Variants in FIGNL2 observed in about 807,000 individuals in gnomAD.
The protein encoded by FIGNL2 is fidgetin-like protein 2.
For synonymous variants in FIGNL2, 565 were observed against 484.0 expected (o/e 1.17, Z -2.20); for missense variants, 1,060 against 950.2 (o/e 1.12, Z -1.52).
At chr12:51,828,958 G>A (rs1205074854) in intron 1 of FIGNL2, among the ~76,000 whole-genome samples, 3 of 152,146 alleles carry the variant, frequency 2.0e-5, no homozygotes, top group Non-Finnish European at 2.9e-5. Flanking sequence ...TCCAACCCCC[G>A]AAGGAGACCC....
Position 51,819,316 on chromosome 12 carries a change from G to C in FIGNL2, c.*1136C>G, listed in dbSNP as rs1047203316. Reference sequence around the variant, plus strand: ...AGCGGAGGGGTTGGGTGGGGCAGGGGGTGGGGAGCAGCAGGAGAGGAATAA... The same window carrying C: ...AGCGGAGGGGTTGGGTGGGGCAGGGCGTGGGGAGCAGCAGGAGAGGAATAA... On this transcript the variant is annotated 3_prime_UTR_variant, in exon 2 of 2. Coordinates refer to ENST00000618634, the MANE Select transcript of FIGNL2 (RefSeq NM_001384995.1). The C allele has an allele frequency of 5.2e-5, 8 of 152,502 alleles. No individual in the cohort carries two copies. The East Asian group carries it at 1.5e-3, about 29-fold the overall frequency. The allele number at this position is 152,502 out of a possible 1,614,324, so 9.4% of individuals were successfully genotyped here. A position where few individuals can be genotyped will look rare whatever the true frequency, so the allele number is the denominator to read the frequency against.
At chr12:51,844,690 C>T (rs752356613) in intron 1 of FIGNL2, 22 of 985,292 alleles carry the variant, frequency 2.2e-5, no homozygotes, top group East Asian at 1.1e-4. Flanking sequence ...TGAAACTGCT[C>T]GGAGAAGAGC....
intron 1 of FIGNL2, among the ~76,000 whole-genome samples, chr12:51,836,748 G>A (rs1939584694): frequency 6.6e-6 from 1 of 152,162 alleles, no homozygotes. Flanking sequence ...GTGGGCAGTG[G>A]ACTTCCTAAC....
At chr12:51,822,472 C>G (rs1939243451) in intron 1 of FIGNL2, 48 bp from the exon 2 acceptor site, 9 of 1,599,662 alleles carry the variant, frequency 5.6e-6, no homozygotes, top group Non-Finnish European at 7.7e-6. Flanking sequence ...CACCGAGGAC[C>G]CAGTGGGCCA....
chr12:51,844,186 T>C (rs531470130), intron 1 of FIGNL2, among the ~76,000 whole-genome samples: 34 of 152,246 alleles, frequency 2.2e-4, no homozygotes, highest in Non-Finnish European at 3.8e-4. Context: ...TGTCCGGAGT[T>C]ACATCTGATT....
chr12:51,832,948 T>A (rs1419693182), intron 1 of FIGNL2, among the ~76,000 whole-genome samples: 1 of 152,194 alleles, frequency 6.6e-6, no homozygotes, highest in African/African-American at 2.4e-5. Flanking sequence ...CATCCTTAAC[T>A]TCTCTTTCAC....
At position 51,848,139 on chromosome 12, in the gene FIGNL2, C is replaced by T. The variant is rs573606305; in HGVS notation, c.-12+401G>A. 7.2e-5 allele frequency: 71 copies of T among 985,172 alleles called. No homozygotes were observed. The South Asian group carries it at 3.0e-3, about 41-fold the overall frequency. 61.0% of individuals were successfully genotyped at this position (985,172 alleles called of 1,614,324 possible). A position where few individuals can be genotyped will look rare whatever the true frequency, so the allele number is the denominator to read the frequency against. ...GACCTGACGGAGTGGGAGGGGCCTG[C>T]GGGCCGGCCCTCGGGCTCCGGACGC... On this transcript the variant is annotated intron_variant, in intron 1 of 1. Coordinates refer to ENST00000618634, the MANE Select transcript of FIGNL2 (RefSeq NM_001384995.1).
intron 1 of FIGNL2, among the ~76,000 whole-genome samples, chr12:51,835,025 C>A (rs980524907): frequency 6.6e-6 from 1 of 152,182 alleles, no homozygotes; most frequent in Non-Finnish European, 1.5e-5. Flanking sequence ...CCTGCCTACC[C>A]CAGCCTAGAG....
chr12:51,821,862 C>T lies in FIGNL2; in HGVS notation c.552G>A (p.Pro184=). The T allele has an allele frequency of 1.6e-6, 2 of 1,289,148 alleles. No individual in the cohort carries two copies. The highest frequency in any genetic ancestry group is 3.3e-5 in the East Asian group (1 of 30,296). 79.9% of individuals were successfully genotyped at this position (1,289,148 alleles called of 1,614,324 possible). ...QTGAALPPPP[P]AALLQPPPPP... is the part of the protein sequence containing the mutation. ...GCGGTGGGGGCTGCAGGAGCGCGGCCGGGGGCGGCGGGGGCAGCGCGGCGC... is the reference window on the plus strand; with the variant it reads ...GCGGTGGGGGCTGCAGGAGCGCGGCTGGGGGCGGCGGGGGCAGCGCGGCGC... Residue 184 remains proline, a synonymous_variant, in exon 2 of 2, where the codon CCG becomes CCA. Coordinates refer to ENST00000618634, the MANE Select transcript of FIGNL2 (RefSeq NM_001384995.1).
At chr12:51,831,439 A>G (rs922480618) in intron 1 of FIGNL2, among the ~76,000 whole-genome samples, 2 of 152,190 alleles carry the variant, frequency 1.3e-5, no homozygotes, top group African/African-American at 4.8e-5. Context: ...TTATTTGCAG[A>G]TAAAACAGTG....
chr12:51,844,858 T>C (rs1939718251), intron 1 of FIGNL2: 1 of 985,376 alleles, frequency 1.0e-6, no homozygotes, highest in South Asian at 4.7e-5. Flanking sequence ...CTCAATCTCA[T>C]ACCCCTGGTC....
At chr12:51,822,488 A>AGCCATAGG in intron 1 of FIGNL2, 64 bp from the exon 2 acceptor site, 3 of 1,578,114 alleles carry the variant, frequency 1.9e-6, no homozygotes, top group Non-Finnish European at 2.6e-6. Flanking sequence ...GGCCACTGCT[A>AGCCATAGG]GCCATAGGCC....
rs2138968634 is a variant in FIGNL2, at chr12:51,821,002, C to T, written c.1412G>A (p.Arg471His). 4 of 1,187,626 alleles carry T rather than the reference C, an allele frequency of 3.4e-6. No individual in the cohort carries two copies. The highest frequency in any genetic ancestry group is 3.7e-5 in the East Asian group (1 of 27,138). The allele number at this position is 1,187,626 out of a possible 1,614,324, so 73.6% of individuals were successfully genotyped here. The change falls in exon 2 of 2, where the codon CGC becomes CAC. Residue 471 changes from arginine to histidine, a missense_variant. By Grantham distance (29) the Arg-to-His change is conservative. Coordinates refer to ENST00000618634, the MANE Select transcript of FIGNL2 (RefSeq NM_001384995.1). ...LAAPGAAEGA[R>H]LLQAAFAAAR... Reference sequence around the variant, plus strand: ...GGCCGCGAAGGCGGCCTGGAGGAGGCGCGCGCCCTCGGCGGCGCCGGGCGC... The same window carrying T: ...GGCCGCGAAGGCGGCCTGGAGGAGGTGCGCGCCCTCGGCGGCGCCGGGCGC...
At position 51,822,068 on chromosome 12, in the gene FIGNL2, G is replaced by A; in HGVS notation, c.346C>T (p.Pro116Ser). 6.2e-7 allele frequency: 1 copy of A among 1,611,004 alleles called. No individual in the cohort carries two copies. The highest frequency in any genetic ancestry group is 8.5e-7 in the Non-Finnish European group (1 of 1,178,780). ...CCGCCACCGCCCGATTTGGTTCCTG[G>A]GAGGCCTTCGTGGAGTGAGGCCAAG... Reference protein sequence around the residue: ...YPLASLHEGLPGTKSGGGGGS... With the variant: ...YPLASLHEGLSGTKSGGGGGS... Residue 116 changes from proline to serine, a missense_variant, in exon 2 of 2, where the codon CCA becomes TCA. By Grantham distance (74) the Pro-to-Ser change is moderately conservative. Transcript: ENST00000618634.
chr12:51,828,344 G>A (rs1939387545), intron 1 of FIGNL2: 1 of 152,180 alleles, frequency 6.6e-6, no homozygotes. Context: ...CTGGTTTGGG[G>A]AGCAAGGTAT....
chr12:51,822,383 G>A lies in FIGNL2; in HGVS notation c.31C>T (p.Leu11Phe). MHWTPEHAQP[L>F]NQWPEQHLDV... Reference sequence around the variant, plus strand: ...AGGTGCTGCTCTGGCCACTGGTTGAGGGGCTGGGCGTGTTCTGGTGTCCAG... The same window carrying A: ...AGGTGCTGCTCTGGCCACTGGTTGAAGGGCTGGGCGTGTTCTGGTGTCCAG... Residue 11 changes from leucine to phenylalanine, a missense_variant, in exon 2 of 2, where the codon CTC becomes TTC. Coordinates refer to ENST00000618634, the MANE Select transcript of FIGNL2 (RefSeq NM_001384995.1). 1.2e-6 allele frequency: 2 copies of A among 1,613,778 alleles called. No homozygotes were observed. The highest frequency in any genetic ancestry group is 1.7e-6 in the Non-Finnish European group (2 of 1,179,842).
Position 51,820,264 on chromosome 12 carries a change from G to A in FIGNL2, c.*188C>T, listed in dbSNP as rs554433288. 11 of 726,654 alleles carry A rather than the reference G, an allele frequency of 1.5e-5. 1 individual carries two copies. The Admixed American group carries it at 1.5e-4, about 10-fold the overall frequency. 45.0% of individuals were successfully genotyped at this position (726,654 alleles called of 1,614,324 possible). On this transcript the variant is annotated 3_prime_UTR_variant, in exon 2 of 2. Transcript: ENST00000618634. Reference sequence around the variant, plus strand: ...AAAACCTGAGTACACGGCGCATATGGCATCTGCCTGGCAGAAGCATTTTCC... The same window carrying A: ...AAAACCTGAGTACACGGCGCATATGACATCTGCCTGGCAGAAGCATTTTCC...
At chr12:51,833,837 T>A (rs1051517601) in intron 1 of FIGNL2, among the ~76,000 whole-genome samples, 1 of 152,238 alleles carries the variant, frequency 6.6e-6, no homozygotes, top group African/African-American at 2.4e-5. Flanking sequence ...GTGTACCCAC[T>A]AGAAAGTTCA....
intron 1 of FIGNL2, among the ~76,000 whole-genome samples, chr12:51,839,623 G>A (rs1482951653): frequency 6.6e-6 from 1 of 152,118 alleles, no homozygotes; most frequent in Non-Finnish European, 1.5e-5. Flanking sequence ...TTCCAGCTTC[G>A]GGCCCTTTCC....
Sources: gnomAD v4.1 joint callset for allele counts (sites outside exome capture counted in the v4.1 genomes callset) on GRCh38, gnomAD v4.1.1 for gene constraint, MANE v1.5 for transcripts, NCBI Gene and HGNC (gene_info 2026-07-23, HGNC 2026-07-21) for gene names.